The following CACNA2D3 variants were observed in gnomAD, a reference collection of about 807,000 sequenced individuals.
CACNA2D3 encodes voltage-dependent calcium channel subunit alpha-2/delta-3.
In CACNA2D3, 60 loss-of-function variants were observed where a neutral mutation model predicts 160.6. The observed-to-expected ratio is 0.37, with a 90% CI of 0.30 to 0.46. The LOEUF is 0.46. Among genes scored for constraint, CACNA2D3 ranks in the 20% least tolerant of loss-of-function variants. The pLI, the probability that CACNA2D3 is intolerant of heterozygous loss-of-function variation, is 1.00. For missense variants in CACNA2D3, 1,205 were observed against 1,365.0 expected (o/e 0.88, Z 1.85); for synonymous variants, 558 against 492.9 (o/e 1.13, Z -1.75).
chr3:54,163,819 T>C (rs1700396018), intron 2 of CACNA2D3, among the ~76,000 whole-genome samples: 1 of 152,210 alleles, frequency 6.6e-6, no homozygotes, highest in Non-Finnish European at 1.5e-5. Flanking sequence ...TCAATGCATC[T>C]ACCTCCAGCA....
At chr3:54,978,632 A>G (rs899538285) in intron 29 of CACNA2D3, among the ~76,000 whole-genome samples, 4 of 152,240 alleles carry the variant, frequency 2.6e-5, no homozygotes, top group African/African-American at 9.6e-5. Context: ...ATCCCAAGTA[A>G]ACTAAATAAG....
Position 54,870,991 on chromosome 3 carries a change from T to G in CACNA2D3, c.1627-548T>G, listed in dbSNP as rs558977257. Among the ~76,000 whole-genome samples the G allele has an allele frequency of 1.1e-3, 172 of 152,084 alleles. 1 individual carries two copies. Among genetic ancestry groups the G allele is most frequent in the African/African-American group, 4.0e-3 (165 of 41,446 alleles). On this transcript the variant is annotated intron_variant, in intron 17 of 37. Transcript: ENST00000474759. ...ATATGACTAGATTCTTTGGTAAATG[T>G]AAGTAAGAAGCCCTTTCTCGTATCA...
rs1700413848 is a variant in CACNA2D3 at position 54,164,527 on chromosome 3, C to G, written c.204+40933C>G. Reference sequence around the variant, plus strand: ...GTTTCCTCTGATATCTTACTTATCTCTGGTCTTTTTGTCCAGACAGCTCTT... The same window carrying G: ...GTTTCCTCTGATATCTTACTTATCTGTGGTCTTTTTGTCCAGACAGCTCTT... On this transcript the variant is annotated intron_variant, in intron 2 of 37. Transcript: ENST00000474759. Among the ~76,000 whole-genome samples, 6 of 152,236 alleles carry G rather than the reference C, an allele frequency of 3.9e-5. No individual in the cohort carries two copies. The South Asian group carries it at 1.2e-3, about 32-fold the overall frequency.
chr3:54,307,618 C>G (rs951743697), intron 2 of CACNA2D3, among the ~76,000 whole-genome samples: 2 of 152,212 alleles, frequency 1.3e-5, no homozygotes, highest in African/African-American at 4.8e-5. Context: ...ACCAGCGTCT[C>G]TTTACTCAAT....
At chr3:54,800,223 C>T (rs542658464) in intron 13 of CACNA2D3, among the ~76,000 whole-genome samples, 10 of 152,266 alleles carry the variant, frequency 6.6e-5, no homozygotes, top group East Asian at 1.9e-4. Flanking sequence ...TCTACACTGC[C>T]GCCTTCGATG....
chr3:54,533,439 A>T (rs1037678376), intron 5 of CACNA2D3, among the ~76,000 whole-genome samples: 1 of 146,956 alleles, frequency 6.8e-6, no homozygotes, highest in African/African-American at 2.5e-5. Context: ...GGTTCAAGCG[A>T]TTCTCTTGCT....
intron 4 of CACNA2D3, among the ~76,000 whole-genome samples, chr3:54,467,064 T>A (rs1700641217): frequency 6.6e-6 from 1 of 152,202 alleles, no homozygotes; most frequent in East Asian, 1.9e-4. Flanking sequence ...ATGTCGTCTT[T>A]GAGTGAGAAG....
At position 54,626,684 on chromosome 3, in the gene CACNA2D3, CAAAAAAAAAAA is replaced by C. The variant is rs71096430; in HGVS notation, c.964-1088_964-1078del. 4.9e-3 allele frequency: 1,563 copies of C among 318,112 alleles called. 8 individuals carry two copies. The highest frequency in any genetic ancestry group is 0.031 in the African/African-American group (676 of 21,594). 19.7% of individuals were successfully genotyped at this position (318,112 alleles called of 1,614,324 possible). On this transcript the variant is annotated intron_variant, in intron 9 of 37. Transcript: ENST00000474759. ...TAATAAAGGCGCACATGGTTCCAGT[CAAAAAAAAAAA>C]AAAAAAAAAAAAAAGAAAGAAAAAG... is the stretch of plus-strand genomic sequence containing the variant.
intron 4 of CACNA2D3, among the ~76,000 whole-genome samples, chr3:54,403,382 C>CAG (rs1028785112): frequency 6.6e-6 from 1 of 151,476 alleles, no homozygotes; most frequent in African/African-American, 2.4e-5. Context: ...CACACACACA[C>CAG]ACACACACAC....
At position 54,209,747 on chromosome 3, in the gene CACNA2D3, C is replaced by T. The variant is rs145698458; in HGVS notation, c.204+86153C>T. On this transcript the variant is annotated intron_variant, in intron 2 of 37. Coordinates refer to ENST00000474759, the MANE Select transcript of CACNA2D3 (RefSeq NM_018398.3). ...TGGAACATAACCTTAATAGCCTCCT[C>T]CAGAGGATGTTCTAAAGTATACGTT... Among the ~76,000 whole-genome samples, 792 of 152,298 alleles carry T rather than the reference C, an allele frequency of 5.2e-3. 8 individuals are homozygous for T. Among genetic ancestry groups the T allele is most frequent in the South Asian group, 0.045 (216 of 4,816 alleles).
chr3:54,887,923 C>T, intron 23 of CACNA2D3, 36 bp from the exon 24 acceptor site: 3 of 1,557,902 alleles, frequency 1.9e-6, no homozygotes, highest in East Asian at 2.2e-5. Flanking sequence ...TCTTCCAGCC[C>T]TGCTGAAGCA....
intron 11 of CACNA2D3, among the ~76,000 whole-genome samples, chr3:54,735,332 A>C (rs927059938): frequency 2.6e-5 from 4 of 152,178 alleles, no homozygotes; most frequent in African/African-American, 9.7e-5. Flanking sequence ...AGATACCCAC[A>C]ATCACTCCTA....
At chr3:54,407,598 C>T (rs1699599734) in intron 4 of CACNA2D3, among the ~76,000 whole-genome samples, 1 of 152,068 alleles carries the variant, frequency 6.6e-6, no homozygotes, top group African/African-American at 2.4e-5. Context: ...CACACACACA[C>T]ATCTGATCCA....
intron 31 of CACNA2D3, among the ~76,000 whole-genome samples, chr3:54,998,945 A>G (rs1702920637): frequency 6.6e-6 from 1 of 151,946 alleles, no homozygotes; most frequent in African/African-American, 2.4e-5. Flanking sequence ...ACGGGGTTTC[A>G]CTATTTTAGC....
chr3:54,887,854 G>A (rs202118694), intron 23 of CACNA2D3, 105 bp from the exon 24 acceptor site: 45 of 817,182 alleles, frequency 5.5e-5, no homozygotes, highest in Non-Finnish European at 8.1e-5. Flanking sequence ...GCAACATGCC[G>A]CATGAGAAAG....
At chr3:54,151,538 A>G (rs1700152323) in intron 2 of CACNA2D3, among the ~76,000 whole-genome samples, 1 of 152,096 alleles carries the variant, frequency 6.6e-6, no homozygotes, top group Non-Finnish European at 1.5e-5. Context: ...CAGTTGTTCT[A>G]TCTCCTCACC....
chr3:55,013,937 G>A (rs1451032171), intron 34 of CACNA2D3, among the ~76,000 whole-genome samples: 1 of 152,120 alleles, frequency 6.6e-6, no homozygotes, highest in Non-Finnish European at 1.5e-5. Flanking sequence ...TTGTGCGGAC[G>A]CTCCCTTGGG....
At chr3:54,839,431 A>G (rs1698772283) in intron 16 of CACNA2D3, among the ~76,000 whole-genome samples, 1 of 152,146 alleles carries the variant, frequency 6.6e-6, no homozygotes, top group Non-Finnish European at 1.5e-5. Context: ...AGGCATGAGC[A>G]TGTGCATGCC....
At chr3:54,800,582 G>A (rs1316083656) in intron 13 of CACNA2D3, among the ~76,000 whole-genome samples, 1 of 152,104 alleles carries the variant, frequency 6.6e-6, no homozygotes, top group Non-Finnish European at 1.5e-5. Flanking sequence ...AAATGTGGGG[G>A]GCCTTCCCTC....
Sources: allele counts gnomAD v4.1 joint callset (sites outside exome capture counted in the v4.1 genomes callset), GRCh38; gene constraint gnomAD v4.1.1; transcripts MANE v1.5; gene names NCBI Gene and HGNC (gene_info 2026-07-23, HGNC 2026-07-21).